WDFY4: variants seen among roughly 807,000 people sequenced by gnomAD.
WDFY4 encodes the protein WDFY family member 4.
In WDFY4, 169 loss-of-function variants were observed where a neutral mutation model predicts 351.9. The ratio of observed to expected loss-of-function variants is 0.48; its 90% confidence interval spans 0.42 to 0.55. The LOEUF (loss-of-function observed/expected upper bound fraction) is 0.55, where lower values mean the gene tolerates loss of function less well. WDFY4 is among the 20% of genes least tolerant of loss of function. The probability of loss-of-function intolerance (pLI) is 0.00; values close to 1 mark genes in which losing one functional copy is unlikely to be tolerated. For synonymous variants in WDFY4, 1,622 were observed against 1,574.6 expected (o/e 1.03, Z -0.71); for missense variants, 3,803 against 3,935.6 (o/e 0.97, Z 0.90).
chr10:48,957,705 G>C (rs1841665799), intron 52 of WDFY4, among the ~76,000 whole-genome samples: 2 of 152,240 alleles, frequency 1.3e-5, no homozygotes, highest in Non-Finnish European at 2.9e-5. Flanking sequence ...ACCCAGAGAT[G>C]CTGGGTGTCC....
chr10:48,970,017 G>C (rs2131834414), intron 56 of WDFY4, 114 bp from the exon 57 acceptor site: 1 of 1,282,322 alleles, frequency 7.8e-7, no homozygotes, highest in Non-Finnish European at 1.1e-6. Context: ...TGAACACATG[G>C]CATGTCCCCA....
chr10:48,848,882 A>G (rs1589746070), intron 39 of WDFY4, among the ~76,000 whole-genome samples: 1 of 152,334 alleles, frequency 6.6e-6, no homozygotes, highest in East Asian at 1.9e-4. Context: ...CCTCACTGCT[A>G]CGACTGTGGT....
intron 47 of WDFY4, among the ~76,000 whole-genome samples, chr10:48,924,753 T>C (rs1033816202): frequency 6.6e-6 from 1 of 152,234 alleles, no homozygotes; most frequent in Non-Finnish European, 1.5e-5. Context: ...AAAAAAGTAA[T>C]GGCAACCAAT....
rs755229596 is a variant in WDFY4 at position 48,981,452 on chromosome 10, C to G, written c.9462C>G (p.Pro3154=). 1.9e-6 allele frequency: 3 copies of G among 1,551,682 alleles called. No individual in the cohort carries two copies. Among genetic ancestry groups the G allele is most frequent in the Non-Finnish European group, 2.6e-6 (3 of 1,146,974 alleles). The change falls in exon 61 of 62, where the codon CCC becomes CCG. Residue 3154 remains proline (P), a synonymous_variant. Coordinates refer to ENST00000325239, the MANE Select transcript of WDFY4 (RefSeq NM_001394531.1). The stretch of plus-strand genomic sequence containing the variant: ...CAGGGAAGCCCAGCAAAACCAGCCC[C>G]GCAGTGACTGCTCTGGCCGTGTCCA... ...ALTGKPSKTS[P]AVTALAVSRN...
At position 48,788,561 on chromosome 10, in the gene WDFY4, T is replaced by A; in HGVS notation, c.3840T>A (p.Phe1280Leu). The A allele has an allele frequency of 6.4e-7, 1 of 1,552,092 alleles. No individual in the cohort carries two copies. The highest frequency in any genetic ancestry group is 8.7e-7 in the Non-Finnish European group (1 of 1,147,060). ...ACCTGGACAGTGAAGCCACGCCCTT[T>A]GTTGCAGAAGAAAGAGTTTCTTTTG... ...GEDLDSEATPFVAEERVSFGL... is the reference protein window; with the variant it reads ...GEDLDSEATPLVAEERVSFGL... The change falls in exon 21 of 62, where the codon TTT becomes TTA. Residue 1280 changes from phenylalanine (F) to leucine (L), a missense_variant. Phe to Leu is a conservative substitution (Grantham distance 22, BLOSUM62 0). Around this residue, in one of 3 missense-constraint regions of WDFY4, gnomAD observed 3,054 missense variants for 3,148.6 expected, o/e 0.97. Coordinates refer to ENST00000325239, the MANE Select transcript of WDFY4 (RefSeq NM_001394531.1).
chr10:48,736,084 C>T lies in WDFY4; in HGVS notation c.1878+14C>T. On this transcript the variant is annotated intron_variant, in intron 11 of 61. Transcript: ENST00000325239. ...GATCTCCTGAAGGTGATTTCAAGTC[C>T]TCCTTTGAGATTGGCTTCCCTGTGG... is the stretch of plus-strand genomic sequence containing the variant. The T allele has an allele frequency of 2.6e-6, 4 of 1,551,686 alleles. No homozygotes were observed. Among genetic ancestry groups the T allele is most frequent in the Non-Finnish European group, 3.5e-6 (4 of 1,147,010 alleles).
chr10:48,770,575 T>C (rs1170206231), intron 13 of WDFY4, among the ~76,000 whole-genome samples: 2 of 151,726 alleles, frequency 1.3e-5, no homozygotes, highest in Non-Finnish European at 2.9e-5. Context: ...AGGGTGGATG[T>C]TACTTTTTTG....
chr10:48,810,836 T>G, intron 29 of WDFY4, 101 bp downstream of exon 29: 7 of 1,240,738 alleles, frequency 5.6e-6, no homozygotes, highest in Non-Finnish European at 7.6e-6. Context: ...ATCACAGCTC[T>G]GTGCAGCAGG....
rs1322282624 is a variant in WDFY4, at chr10:48,966,553, A to C, written c.8464A>C (p.Thr2822Pro). 1 of 1,552,082 alleles carries C rather than the reference A, an allele frequency of 6.4e-7. No homozygotes were observed. Among genetic ancestry groups the C allele is most frequent in the Non-Finnish European group, 8.7e-7 (1 of 1,147,062 alleles). The change falls in exon 55 of 62, where the codon ACT becomes CCT. Residue 2822 changes from threonine to proline, a missense_variant. Thr to Pro is a conservative substitution (Grantham distance 38). Coordinates refer to ENST00000325239, the MANE Select transcript of WDFY4 (RefSeq NM_001394531.1). ...CTTTACCAAACCTCACCCAGCCAGG[A>C]CTGCAGCAGGGAAGCCTCTGCCTGG... is the stretch of plus-strand genomic sequence containing the variant. ...QLFTKPHPAR[T>P]AAGKPLPGKD...
chr10:48,892,399 T>G (rs1273604095), intron 44 of WDFY4, among the ~76,000 whole-genome samples: 1 of 152,230 alleles, frequency 6.6e-6, no homozygotes, highest in Non-Finnish European at 1.5e-5. Flanking sequence ...TGTCTGAAAA[T>G]GTACTTCTCT....
At chr10:48,968,934 T>A in intron 55 of WDFY4, 130 bp from the exon 56 acceptor site, 1 of 908,918 alleles carries the variant, frequency 1.1e-6, no homozygotes, top group Non-Finnish European at 1.7e-6. Flanking sequence ...AGGGCCCAGC[T>A]GCAGTGGGTG....
intron 39 of WDFY4, among the ~76,000 whole-genome samples, chr10:48,859,805 A>G (rs1589763903): frequency 6.6e-6 from 1 of 152,338 alleles, no homozygotes; most frequent in East Asian, 1.9e-4. Context: ...TTTTAATAAA[A>G]CCTTCAAGTA....
At chr10:48,773,750 C>T (rs2065941058) in intron 13 of WDFY4, among the ~76,000 whole-genome samples, 1 of 152,172 alleles carries the variant, frequency 6.6e-6, no homozygotes, top group African/African-American at 2.4e-5. Context: ...AACGCTTCTC[C>T]CCAGAGACTT....
At chr10:48,728,564 C>A (rs556892899) in intron 7 of WDFY4, among the ~76,000 whole-genome samples, 2 of 152,374 alleles carry the variant, frequency 1.3e-5, no homozygotes, top group Admixed American at 1.3e-4. Flanking sequence ...AGGCTTTGAG[C>A]CTACATGCGG....
At chr10:48,843,270 C>T (rs2068669311) in intron 39 of WDFY4, among the ~76,000 whole-genome samples, 2 of 152,156 alleles carry the variant, frequency 1.3e-5, no homozygotes, top group South Asian at 4.1e-4. Flanking sequence ...TACTTTATTA[C>T]AAAGCCAGGC....
chr10:48,724,561 G>A (rs914950745), intron 5 of WDFY4, among the ~76,000 whole-genome samples: 3 of 152,258 alleles, frequency 2.0e-5, no homozygotes, highest in South Asian at 4.1e-4. Context: ...GTGCCCTGAA[G>A]GGAAGTAGTG....
At chr10:48,769,489 A>C (rs1272265780) in intron 13 of WDFY4, among the ~76,000 whole-genome samples, 2 of 152,188 alleles carry the variant, frequency 1.3e-5, no homozygotes, top group African/African-American at 4.8e-5. Context: ...CAAAATCATG[A>C]AGAAAAGGAC....
At chr10:48,846,982 C>A (rs1026367785) in intron 39 of WDFY4, among the ~76,000 whole-genome samples, 6 of 152,180 alleles carry the variant, frequency 3.9e-5, no homozygotes, top group Non-Finnish European at 1.5e-5. Flanking sequence ...TTTTGGGGTC[C>A]AGGTGCCTCA....
chr10:48,921,161 AAAATAATTTTG>A (rs1299281353), intron 47 of WDFY4, among the ~76,000 whole-genome samples: 1 of 152,218 alleles, frequency 6.6e-6, no homozygotes, highest in African/African-American at 2.4e-5. Context: ...CTAGGAATGG[AAAATAATTTTG>A]AAAAAGAATA....
Sources: gnomAD v4.1 joint callset for allele counts (sites outside exome capture counted in the v4.1 genomes callset) on GRCh38, gnomAD v4.1.1 for gene constraint, gnomAD v4.1.1 regional missense constraint, MANE v1.5 for transcripts, NCBI Gene and HGNC (gene_info 2026-07-23, HGNC 2026-07-21) for gene names.